The following MIS18A variants were observed in gnomAD, a reference collection of about 807,000 sequenced individuals.
MIS18A encodes MIS18 kinetochore protein A.
In MIS18A, 14 loss-of-function variants were observed where a neutral mutation model predicts 25.0. The ratio of observed to expected loss-of-function variants is 0.56; its 90% CI spans 0.37 to 0.88. The LOEUF (loss-of-function observed/expected upper bound fraction) is 0.88, where lower values mean the gene tolerates loss of function less well. Ranked by LOEUF, MIS18A falls within the 40% of genes least tolerant of loss-of-function variation. The probability of loss-of-function intolerance (pLI) is 0.00; values close to 1 mark genes in which losing one functional copy is unlikely to be tolerated. For missense variants in MIS18A, 292 were observed against 290.8 expected, an observed-to-expected ratio of 1.00 and a Z score of -0.03; for synonymous variants, 134 against 118.6, an observed-to-expected ratio of 1.13 and a Z score of -0.84.
chr21:32,170,695 G>A, the MIS18A span, among the ~76,000 whole-genome samples: 1 of 151,902 alleles, frequency 6.6e-6, no homozygotes, highest in Non-Finnish European at 1.5e-5. Flanking sequence ...AGGAATATAG[G>A]TTATTCTATA....
chr21:32,165,842 T>C, the MIS18A span, among the ~76,000 whole-genome samples: 1 of 147,050 alleles, frequency 6.8e-6, no homozygotes, highest in Admixed American at 6.6e-5. Context: ...CTTGTTGGGA[T>C]TTTTTGCATT....
the MIS18A span, among the ~76,000 whole-genome samples, chr21:32,230,616 G>A: frequency 1.3e-5 from 2 of 152,108 alleles, no homozygotes; most frequent in Admixed American, 1.3e-4. Flanking sequence ...TTCAACAAGG[G>A]AGCCAAATTA....
chr21:32,192,500 C>T, the MIS18A span, among the ~76,000 whole-genome samples: 1 of 152,182 alleles, frequency 6.6e-6, no homozygotes. Flanking sequence ...GCCACCAAAG[C>T]CACACTGAAG....
At chr21:32,177,087 TA>T in the MIS18A span, among the ~76,000 whole-genome samples, 1 of 152,136 alleles carries the variant, frequency 6.6e-6, no homozygotes, top group South Asian at 2.1e-4. Flanking sequence ...GATCCAGTGA[TA>T]AATAAAAAGG....
the MIS18A span, among the ~76,000 whole-genome samples, chr21:32,243,301 C>T: frequency 6.6e-6 from 1 of 152,194 alleles, no homozygotes; most frequent in East Asian, 1.9e-4. Flanking sequence ...AATCAAGCTA[C>T]AGACTGGGAG....
At chr21:32,190,619 G>A in the MIS18A span, among the ~76,000 whole-genome samples, 9 of 152,138 alleles carry the variant, frequency 5.9e-5, no homozygotes, top group East Asian at 7.7e-4. Context: ...CTTCCATAGC[G>A]ATGAAGCACA....
the MIS18A span, chr21:32,261,544 A>C: frequency 2.0e-5 from 3 of 152,254 alleles, no homozygotes; most frequent in Non-Finnish European, 4.4e-5. Flanking sequence ...CGATGCAGCA[A>C]CATTCATTTG....
chr21:32,240,546 G>A, the MIS18A span, among the ~76,000 whole-genome samples: 1 of 152,284 alleles, frequency 6.6e-6, no homozygotes, highest in Middle Eastern at 3.4e-3. Flanking sequence ...AACTAAGACC[G>A]TGACCCTGGG....
the MIS18A span, among the ~76,000 whole-genome samples, chr21:32,188,271 A>T: frequency 1.3e-5 from 2 of 152,254 alleles, no homozygotes; most frequent in African/African-American, 4.8e-5. Context: ...ACAAGACACC[A>T]GGGTCAGAGA....
chr21:32,261,803 G>A, the MIS18A span, among the ~76,000 whole-genome samples: 1 of 152,230 alleles, frequency 6.6e-6, no homozygotes, highest in Non-Finnish European at 1.5e-5. Flanking sequence ...TTGAAAGAGA[G>A]GCCAGACAGT....
At chr21:32,205,689 AT>A in the MIS18A span, among the ~76,000 whole-genome samples, 7 of 152,226 alleles carry the variant, frequency 4.6e-5, no homozygotes, top group South Asian at 1.5e-3. Flanking sequence ...AATGATATGT[AT>A]TTTACTTAAA....
chr21:32,228,902 G>A, the MIS18A span, among the ~76,000 whole-genome samples: 1 of 152,126 alleles, frequency 6.6e-6, no homozygotes, highest in Non-Finnish European at 1.5e-5. Context: ...TAGATTGGAA[G>A]ACTTAACATT....
At chr21:32,183,899 A>G in the MIS18A span, among the ~76,000 whole-genome samples, 2 of 152,220 alleles carry the variant, frequency 1.3e-5, no homozygotes, top group Non-Finnish European at 2.9e-5. Context: ...AATATCAAAC[A>G]TGTTTTAGAC....
chr21:32,246,476 G>T, the MIS18A span, among the ~76,000 whole-genome samples: 1 of 152,078 alleles, frequency 6.6e-6, no homozygotes, highest in Non-Finnish European at 1.5e-5. Context: ...GAGTCTGGCA[G>T]GGGGGAGAGG....
the MIS18A span, among the ~76,000 whole-genome samples, chr21:32,245,220 A>G: frequency 6.6e-6 from 1 of 152,206 alleles, no homozygotes; most frequent in African/African-American, 2.4e-5. Flanking sequence ...AATTAAAAGA[A>G]TGCTCCTGAA....
chr21:32,229,292 C>G, the MIS18A span, among the ~76,000 whole-genome samples: 18 of 152,178 alleles, frequency 1.2e-4, no homozygotes, highest in Admixed American at 2.0e-4. Flanking sequence ...GTCTAAAGTT[C>G]AGTTAGATGG....
chr21:32,189,910 G>T, the MIS18A span, among the ~76,000 whole-genome samples: 1 of 152,138 alleles, frequency 6.6e-6, no homozygotes, highest in African/African-American at 2.4e-5. Context: ...TCCTGTTTGT[G>T]CTCCCAGCGC....
the MIS18A span, among the ~76,000 whole-genome samples, chr21:32,193,688 A>G: frequency 2.0e-5 from 3 of 151,654 alleles, no homozygotes; most frequent in East Asian, 5.8e-4. Flanking sequence ...TAAGAGGTCC[A>G]CTACTGTCAA....
the MIS18A span, among the ~76,000 whole-genome samples, chr21:32,233,765 C>G: frequency 6.6e-6 from 1 of 152,154 alleles, no homozygotes; most frequent in East Asian, 1.9e-4. Flanking sequence ...TGACCCCCAC[C>G]CCAACCATGG....
Sources: allele counts gnomAD v4.1 joint callset (sites outside exome capture counted in the v4.1 genomes callset), GRCh38; gene constraint gnomAD v4.1.1; transcripts MANE v1.5; gene names NCBI Gene and HGNC (gene_info 2026-07-23, HGNC 2026-07-21).